EPB41L3: variants seen among roughly 807,000 people sequenced by gnomAD.
EPB41L3 encodes the protein erythrocyte membrane protein band 4.1 like 3.
A neutral mutation model predicts 127.1 loss-of-function variants in EPB41L3; 57 were observed. The ratio of observed to expected loss-of-function variants is 0.45; its 90% CI spans 0.36 to 0.56. The LOEUF (loss-of-function observed/expected upper bound fraction) is 0.56. EPB41L3 is among the 20% of genes least tolerant of loss of function. EPB41L3 has a pLI of 0.00. For synonymous variants in EPB41L3, 572 were observed against 549.5 expected, an observed-to-expected ratio of 1.04 and a Z score of -0.57; for missense variants, 1,273 against 1,372.2, an observed-to-expected ratio of 0.93 and a Z score of 1.14.
chr18:5,466,041 T>G (rs1479896802), intron 3 of EPB41L3, among the ~76,000 whole-genome samples: 1 of 152,064 alleles, frequency 6.6e-6, no homozygotes, highest in Non-Finnish European at 1.5e-5. Context: ...CATTTTCCTC[T>G]CTATATTTCA....
chr18:5,630,008 T>A (rs1279119467), upstream of EPB41L3, among the ~76,000 whole-genome samples: 1 of 152,178 alleles, frequency 6.6e-6, no homozygotes, highest in African/African-American at 2.4e-5. Context: ...AACCGAAGAC[T>A]GGTGCGCTCG....
intron 13 of EPB41L3, 102 bp downstream of exon 13, chr18:5,415,716 A>T: frequency 8.3e-7 from 1 of 1,205,584 alleles, no homozygotes. Flanking sequence ...ACAATAAATG[A>T]GGCTCTGAAA....
At chr18:5,468,931 AAAC>A (rs765890737) in intron 3 of EPB41L3, among the ~76,000 whole-genome samples, 34 of 62,834 alleles carry the variant, frequency 5.4e-4, no homozygotes, top group Non-Finnish European at 1.1e-3. Flanking sequence ...AAAAAACAAA[AAAC>A]AAACAAACAA....
intron 1 of EPB41L3, among the ~76,000 whole-genome samples, chr18:5,494,826 G>A (rs1266076943): frequency 6.6e-6 from 1 of 152,222 alleles, no homozygotes; most frequent in East Asian, 1.9e-4. Flanking sequence ...GCGTGAGAGT[G>A]ATGAGAGGTG....
chr18:5,621,485 A>AC (rs2094861713), intron 1 of EPB41L3, among the ~76,000 whole-genome samples: 1 of 152,172 alleles, frequency 6.6e-6, no homozygotes, highest in South Asian at 2.1e-4. Flanking sequence ...ATGCCTGTAA[A>AC]CCCAGCACTT....
In EPB41L3 at chr18:5,489,068, T is replaced by C; in HGVS notation, c.116A>G (p.Glu39Gly). The change falls in exon 2 of 23, where the codon GAG becomes GGG. Residue 39 changes from glutamate (E) to glycine (G), a missense_variant. Glu to Gly is a moderately conservative substitution (Grantham distance 98). Around this residue, in one of 3 missense-constraint regions of EPB41L3, gnomAD observed 182 missense variants for 149.2 expected, o/e 1.22. Transcript: ENST00000341928. Reference protein sequence around the residue: ...AGAPVPEPPKEEQQQALEQFA... With the variant: ...AGAPVPEPPKGEQQQALEQFA... ...CTGCTCCAGGGCCTGCTGCTGCTCC[T>C]CCTTGGGCGGCTCCGGCACGGGCGC... 6.3e-7 allele frequency: 1 copy of C among 1,595,542 alleles called. No homozygotes were observed. The highest frequency in any genetic ancestry group is 2.3e-4 in the Middle Eastern group (1 of 4,404).
At chr18:5,607,221 C>T (rs993526421) in intron 3 of EPB41L3, among the ~76,000 whole-genome samples, 10 of 152,162 alleles carry the variant, frequency 6.6e-5, no homozygotes, top group South Asian at 6.2e-4. Context: ...TAGCTTGGAC[C>T]TGTCTCTCTG....
At chr18:5,519,632 T>A (rs1311923258) in intron 1 of EPB41L3, among the ~76,000 whole-genome samples, 1 of 152,178 alleles carries the variant, frequency 6.6e-6, no homozygotes, top group Non-Finnish European at 1.5e-5. Flanking sequence ...TGTGGAGGGA[T>A]GCCTCTTCTG....
intron 3 of EPB41L3, among the ~76,000 whole-genome samples, chr18:5,592,725 G>A (rs2094497277): frequency 6.6e-6 from 1 of 152,200 alleles, no homozygotes; most frequent in Non-Finnish European, 1.5e-5. Context: ...GGTCAGAGTG[G>A]CCAGTGATTC....
rs1471319495 is a variant in EPB41L3 at position 5,543,378 on chromosome 18, T to A, written c.-12+535A>T. 2.7e-5 allele frequency: 4 copies of A among 147,496 alleles called. No homozygotes were observed. Among genetic ancestry groups the A allele is most frequent in the African/African-American group, 7.3e-5 (3 of 40,848 alleles). The allele number at this position is 147,496 out of a possible 1,614,324, so 9.1% of individuals were successfully genotyped here. ...GGACGAGCCCGCTGCCGCCGCGCGC[T>A]GAGCGCAGGGCCCCTCCCGCGGCCC... is the stretch of plus-strand genomic sequence containing the variant. On this transcript the variant is annotated intron_variant, in intron 1 of 22. Transcript: ENST00000341928. This position sits in a 1 kb window ranked among gnomAD's most constrained non-coding sequence, Gnocchi z 5.2.
At chr18:5,548,368 T>C (rs2093915217), upstream of EPB41L3, among the ~76,000 whole-genome samples, 1 of 152,228 alleles carries the variant, frequency 6.6e-6, no homozygotes, top group Non-Finnish European at 1.5e-5. Flanking sequence ...CAGGGGTCTG[T>C]CTACATGCAA....
chr18:5,428,461 G>A lies in EPB41L3; in HGVS notation c.917C>T (p.Ser306Leu). Residue 306 changes from serine to leucine, a missense_variant, in exon 9 of 23, where the codon TCA becomes TTA. Around this residue, in one of 3 missense-constraint regions of EPB41L3, gnomAD observed 326 missense variants for 440.2 expected, o/e 0.74. Transcript: ENST00000341928. ...TCCTAACATAATTTCTACCCCTTCTGAGTCCTGGAAAATAAAAGCAAGAAA... is the reference window on the plus strand; with the variant it reads ...TCCTAACATAATTTCTACCCCTTCTAAGTCCTGGAAAATAAAAGCAAGAAA... Reference protein sequence around the residue: ...YGVDLHHAKDSEGVEIMLGVC... With the variant: ...YGVDLHHAKDLEGVEIMLGVC... The A allele has an allele frequency of 1.2e-6, 2 of 1,614,130 alleles. No individual in the cohort carries two copies. Among genetic ancestry groups the A allele is most frequent in the Non-Finnish European group, 1.7e-6 (2 of 1,180,010 alleles).
intron 1 of EPB41L3, among the ~76,000 whole-genome samples, chr18:5,529,905 C>A (rs2093354007): frequency 1.3e-5 from 2 of 149,480 alleles, no homozygotes; most frequent in African/African-American, 2.5e-5. Context: ...CATGCCATCA[C>A]CAACCCCACC....
intron 1 of EPB41L3, among the ~76,000 whole-genome samples, chr18:5,626,430 AT>A (rs1399817497): frequency 6.6e-6 from 1 of 152,330 alleles, no homozygotes; most frequent in East Asian, 1.9e-4. Flanking sequence ...AGCCATATTT[AT>A]TTTTTAATCT....
chr18:5,539,503 G>C (rs1785403), intron 1 of EPB41L3: 39,367 of 152,022 alleles, frequency 0.26, 6,340 homozygotes, highest in African/African-American at 0.45. Context: ...ATTTCAACTT[G>C]TCTTCTTGTG....
At chr18:5,433,263 T>C (rs1029181145) in intron 8 of EPB41L3, among the ~76,000 whole-genome samples, 2 of 152,164 alleles carry the variant, frequency 1.3e-5, no homozygotes, top group East Asian at 3.9e-4. Flanking sequence ...TAATGCAAGT[T>C]TGAGACACAA....
chr18:5,564,783 C>T (rs559841359), intron 3 of EPB41L3, among the ~76,000 whole-genome samples: 1 of 152,152 alleles, frequency 6.6e-6, no homozygotes, highest in Non-Finnish European at 1.5e-5. Context: ...GGACTCCCTG[C>T]CACCAACAGG....
intron 3 of EPB41L3, among the ~76,000 whole-genome samples, chr18:5,582,095 A>G (rs1228311506): frequency 6.6e-6 from 1 of 152,264 alleles, no homozygotes; most frequent in Non-Finnish European, 1.5e-5. Flanking sequence ...TTTACATCGA[A>G]CTAGAAACAT....
Position 5,443,791 on chromosome 18 carries a change from T to C in EPB41L3, c.529+47A>G, listed in dbSNP as rs543172666. Reference sequence around the variant, plus strand: ...GGCTACCAATTCAGACAACTTGCTCTCTGAAAACCTTCACATTTCCACAAA... The same window carrying C: ...GGCTACCAATTCAGACAACTTGCTCCCTGAAAACCTTCACATTTCCACAAA... On this transcript the variant is annotated intron_variant, in intron 5 of 22. Coordinates refer to ENST00000341928, the MANE Select transcript of EPB41L3 (RefSeq NM_012307.5). 2.6e-6 allele frequency: 4 copies of C among 1,538,834 alleles called. No homozygotes were observed. In the African/African-American group the frequency reaches 4.1e-5, roughly 16 times the overall value.
Sources: allele counts gnomAD v4.1 joint callset (sites outside exome capture counted in the v4.1 genomes callset), GRCh38; gene constraint gnomAD v4.1.1; regional missense constraint gnomAD v4.1.1; non-coding constraint Gnocchi (gnomAD v3.1); transcripts MANE v1.5; gene names NCBI Gene and HGNC (gene_info 2026-07-23, HGNC 2026-07-21).